Variants in TTN observed in about 807,000 individuals in gnomAD.
TTN encodes the protein titin.
A neutral mutation model predicts 3,223.0 loss-of-function variants in TTN; 1,525 were observed. That is an observed-to-expected ratio of 0.47 (90% confidence interval 0.45 to 0.49). The LOEUF is 0.49. TTN is among the 20% of genes least tolerant of loss of function. The probability of loss-of-function intolerance (pLI) is 0.00; values close to 1 mark genes in which losing one functional copy is unlikely to be tolerated. For synonymous variants in TTN, 14,094 were observed against 15,161.0 expected (o/e 0.93, Z 5.17); for missense variants, 40,786 against 43,424.0 (o/e 0.94, Z 5.40).
At position 178,732,312 on chromosome 2, in the gene TTN, G is replaced by GT; in HGVS notation, c.16656dup (p.Gln5553ThrfsTer22). The GT allele has an allele frequency of 6.2e-7, 1 of 1,610,692 alleles. No homozygotes were observed. Among genetic ancestry groups the GT allele is most frequent in the Non-Finnish European group, 8.5e-7 (1 of 1,177,870 alleles). On this transcript the variant is annotated frameshift_variant, in exon 57 of 363. Coordinates refer to ENST00000589042, the MANE Select transcript of TTN (RefSeq NM_001267550.2). LOFTEE classifies it high-confidence loss of function. ...GTGGCATCTCCCTTCTTTAACAGCT[G>GT]TGATGGCTCTAACTTTTCAACAAAT...
At position 178,565,092 on chromosome 2, in the gene TTN, C is replaced by T. The variant is rs1195586703; in HGVS notation, c.81040G>A (p.Asp27014Asn). The T allele has an allele frequency of 6.2e-7, 1 of 1,613,578 alleles. No homozygotes were observed. The highest frequency in any genetic ancestry group is 8.5e-7 in the Non-Finnish European group (1 of 1,179,644). Residue 27014 changes from aspartate to asparagine, a missense_variant, in exon 326 of 363, where the codon GAT becomes AAT. Coordinates refer to ENST00000589042, the MANE Select transcript of TTN (RefSeq NM_001267550.2). ...ATGTGCCAAGTGGTGGTGGTTGTAT[C>T]TCGCTTCTCTACAATGTAGTTGCTT... The part of the protein sequence containing the change: ...QISNYIVEKR[D>N]TTTTTWHMVS...
intron 218 of TTN, 105 bp downstream of exon 218, chr2:178,644,443 C>CT: frequency 1.2e-6 from 1 of 863,068 alleles, no homozygotes. Flanking sequence ...GGACTACTCT[C>CT]TGATCATTGA....
chr2:178,552,212 C>A lies in TTN; in HGVS notation c.90688G>T (p.Gly30230Ter). Reference protein sequence around the residue: ...ITLGPPSKPKGPIRFDEIKAD... With the variant: ...ITLGPPSKPK ...TTGATTTCATCAAATCGAATGGGTCCTTTGGGCTTTGATGGTGGGCCAAGG... is the reference window on the plus strand; with the variant it reads ...TTGATTTCATCAAATCGAATGGGTCATTTGGGCTTTGATGGTGGGCCAAGG... The change falls in exon 335 of 363, where the codon GGA (glycine) becomes TGA (stop). Residue 30230 changes from glycine to a stop codon, truncating the protein, a stop_gained. Coordinates refer to ENST00000589042, the MANE Select transcript of TTN (RefSeq NM_001267550.2). LOFTEE classifies it high-confidence loss of function. The A allele has an allele frequency of 6.2e-7, 1 of 1,613,436 alleles. No individual in the cohort carries two copies. The highest frequency in any genetic ancestry group is 8.5e-7 in the Non-Finnish European group (1 of 1,179,642).
intron 286 of TTN, 35 bp from the exon 287 acceptor site, chr2:178,601,599 C>CT: frequency 6.3e-7 from 1 of 1,586,062 alleles, no homozygotes; most frequent in East Asian, 2.2e-5. Context: ...AGCAACGTTC[C>CT]TTAAATGCTT....
At position 178,669,374 on chromosome 2, in the gene TTN, G is replaced by C; in HGVS notation, c.35544C>G (p.Tyr11848Ter). Residue 11848 changes from tyrosine (Y) to a stop codon, truncating the protein, a stop_gained and splice_region_variant, in exon 159 of 363, where the codon TAC (tyrosine) becomes TAG (stop). Transcript: ENST00000589042. LOFTEE classifies it high-confidence loss of function. ...PIVISEDTEM[Y>*]IYEASEEAVL... The stretch of plus-strand genomic sequence containing the variant: ...AACCACTAATTTTTCTACACTCACT[G>C]TACATCTCTGTGTCTTCAGAAATAA... 1 of 1,523,336 alleles carries C rather than the reference G, an allele frequency of 6.6e-7. No homozygotes were observed. Among genetic ancestry groups the C allele is most frequent in the Admixed American group, 2.2e-5 (1 of 46,050 alleles). The allele number at this position is 1,523,336 out of a possible 1,614,324, so 94.4% of individuals were successfully genotyped here.
chr2:178,537,300 T>C, intron 355 of TTN, 42 bp downstream of exon 355: 5 of 1,527,072 alleles, frequency 3.3e-6, no homozygotes, highest in Non-Finnish European at 4.4e-6. Flanking sequence ...GAGATTTTTT[T>C]TTCTTTAAAA....
At position 178,609,723 on chromosome 2, in the gene TTN, A is replaced by C; in HGVS notation, c.51700T>G (p.Ser17234Ala). 2 of 1,608,540 alleles carry C rather than the reference A, an allele frequency of 1.2e-6. No individual in the cohort carries two copies. The highest frequency in any genetic ancestry group is 2.2e-5 in the South Asian group (2 of 90,626). ...GCTTTGGTTGGAGGAGTAGCCCGAG[A>C]AGGTTCACTAATACCCGCGGCGTTC... is the stretch of plus-strand genomic sequence containing the variant. ...AENAAGISEP[S>A]RATPPTKAVD... The change falls in exon 272 of 363, where the codon TCT becomes GCT. Residue 17234 changes from serine (S) to alanine (A), a missense_variant. Ser to Ala is a moderately conservative substitution (Grantham distance 99). Transcript: ENST00000589042.
chr2:178,581,588 T>G lies in TTN; in HGVS notation c.66680A>C (p.Gln22227Pro), dbSNP rs1403005823. The change falls in exon 316 of 363, where the codon CAA (glutamine) becomes CCA (proline). Residue 22227 changes from glutamine (Q) to proline (P), a missense_variant. Transcript: ENST00000589042. Reference protein sequence around the residue: ...FEVTGLMEDTQYQFRVYAVNK... With the variant: ...FEVTGLMEDTPYQFRVYAVNK... ...AACGGCATACACACGGAATTGATAT[T>G]GTGTGTCTTCCATCAGGCCAGTAAC... 1 of 1,612,430 alleles carries G rather than the reference T, an allele frequency of 6.2e-7. No homozygotes were observed. Among genetic ancestry groups the G allele is most frequent in the African/African-American group, 1.3e-5 (1 of 74,856 alleles).
chr2:178,707,874 A>AAAT, intron 99 of TTN, 61 bp from the exon 100 acceptor site: 1 of 1,509,796 alleles, frequency 6.6e-7, no homozygotes, highest in Non-Finnish European at 8.9e-7. Flanking sequence ...AAATTCCACA[A>AAAT]GAGAAACAAA....
At position 178,582,207 on chromosome 2, in the gene TTN, G is replaced by A. The variant is rs1328861562; in HGVS notation, c.66162C>T (p.Asp22054=). The A allele has an allele frequency of 6.3e-7, 1 of 1,593,514 alleles. No homozygotes were observed. The highest frequency in any genetic ancestry group is 1.4e-5 in the African/African-American group (1 of 73,362). Reference sequence around the variant, plus strand: ...CAGGAGGATCACAGCGTCCTGGTGGGTCTGCAGAAATTGATTGAAAAGTTA... The same window carrying A: ...CAGGAGGATCACAGCGTCCTGGTGGATCTGCAGAAATTGATTGAAAAGTTA... ...TEPAIAKNPY[D]PPGRCDPPVI... is the part of the protein sequence containing the mutation. The change falls in exon 315 of 363, where the codon GAC becomes GAT. Residue 22054 remains aspartate (D), a splice_region_variant and synonymous_variant. Transcript: ENST00000589042.
chr2:178,671,001 C>T, intron 156 of TTN, 89 bp downstream of exon 156: 1 of 896,622 alleles, frequency 1.1e-6, no homozygotes, highest in Non-Finnish European at 1.7e-6. Context: ...AGAAGAAAGA[C>T]ATCAAGTGGA....
At chr2:178,765,942 G>A (rs1436230059) in intron 41 of TTN, among the ~76,000 whole-genome samples, 2 of 152,146 alleles carry the variant, frequency 1.3e-5, no homozygotes, top group Admixed American at 6.5e-5. Context: ...GGCTCTCTAG[G>A]CCTTCCAGGG....
In TTN at chr2:178,751,539, C is replaced by T. The variant is rs753429508; in HGVS notation, c.11311+1585G>A. The T allele has an allele frequency of 5.0e-6, 8 of 1,613,372 alleles. No homozygotes were observed. The Admixed American group carries it at 1.3e-4, about 27-fold the overall frequency. ...TCTTCTCCCCTTTCAACTAAAGCCT[C>T]CACATTTTCATGTGTCCGTTCTGCT... On this transcript the variant is annotated intron_variant, in intron 47 of 362. Coordinates refer to ENST00000589042, the MANE Select transcript of TTN (RefSeq NM_001267550.2).
At chr2:178,544,175 C>T (rs753888002) in intron 345 of TTN, 26 bp downstream of exon 345, 4 of 1,605,210 alleles carry the variant, frequency 2.5e-6, no homozygotes, top group East Asian at 4.5e-5. Flanking sequence ...GAAAATAATT[C>T]ACCTAAAAGC....
At position 178,536,354 on chromosome 2, in the gene TTN, A is replaced by G. The variant is rs1691494185; in HGVS notation, c.100393T>C (p.Phe33465Leu). The change falls in exon 357 of 363, where the codon TTT (phenylalanine) becomes CTT (leucine). Residue 33465 changes from phenylalanine (F) to leucine (L), a missense_variant. Phe to Leu is a conservative substitution (Grantham distance 22). Coordinates refer to ENST00000589042, the MANE Select transcript of TTN (RefSeq NM_001267550.2). Reference protein sequence around the residue: ...KNLIEGLEYEFRVKCENLGGE... With the variant: ...KNLIEGLEYELRVKCENLGGE... The stretch of plus-strand genomic sequence containing the variant: ...CCTAGATTTTCACATTTCACACGAA[A>G]CTCGTATTCAAGACCTTCAATAAGG... The G allele has an allele frequency of 6.2e-7, 1 of 1,613,620 alleles. No homozygotes were observed. Among genetic ancestry groups the G allele is most frequent in the Non-Finnish European group, 8.5e-7 (1 of 1,179,792 alleles).
intron 337 of TTN, 39 bp from the exon 338 acceptor site, chr2:178,549,908 T>C: frequency 6.5e-7 from 1 of 1,538,394 alleles, no homozygotes; most frequent in Non-Finnish European, 8.7e-7. Context: ...TCTTTTTCCT[T>C]GTCCATTAAA....
rs1266877064 is a variant in TTN, at chr2:178,580,536, T to C, written c.66843A>G (p.Leu22281=). The C allele has an allele frequency of 2.5e-6, 4 of 1,612,814 alleles. No individual in the cohort carries two copies. Among genetic ancestry groups the C allele is most frequent in the Admixed American group, 1.7e-5 (1 of 59,952 alleles). The change falls in exon 317 of 363, where the codon CTA becomes CTG. Residue 22281 remains leucine, a synonymous_variant. Transcript: ENST00000589042. ...LILRAGVTMR[L]YVPVKGRPPP... Reference sequence around the variant, plus strand: ...GTGGGCGTCCTTTTACTGGTACATATAGTCTCATAGTAACTCCAGCACGTA... The same window carrying C: ...GTGGGCGTCCTTTTACTGGTACATACAGTCTCATAGTAACTCCAGCACGTA...
rs1219361485 is a variant in TTN at position 178,757,177 on chromosome 2, TACTTTAA to T, written c.10678+358_10678+364del. On this transcript the variant is annotated intron_variant, in intron 45 of 362. Transcript: ENST00000589042. ...TAAGTACAGTAAGTAATACTGTACT[TACTTTAA>T]GTACAGTAAGTAATACTGTACTTAC... Among the ~76,000 whole-genome samples, 30 of 151,800 alleles carry T rather than the reference TACTTTAA, an allele frequency of 2.0e-4. 2 individuals carry two copies. The highest frequency in any genetic ancestry group is 2.6e-4 in the Non-Finnish European group (18 of 68,016).
rs368056786 is a variant in TTN, at chr2:178,561,493, T to C, written c.84639A>G (p.Gln28213=). The C allele has an allele frequency of 1.3e-5, 21 of 1,613,652 alleles. No homozygotes were observed. The highest frequency in any genetic ancestry group is 4.5e-5 in the East Asian group (2 of 44,838). Residue 28213 remains glutamine, a synonymous_variant, in exon 326 of 363, where the codon CAA becomes CAG. Coordinates refer to ENST00000589042, the MANE Select transcript of TTN (RefSeq NM_001267550.2). ...CTTCATCAAGGCCGGAGACTTTCATTTGAGTATCAGCAATGAGGATTTTAT... is the reference window on the plus strand; with the variant it reads ...CTTCATCAAGGCCGGAGACTTTCATCTGAGTATCAGCAATGAGGATTTTAT... The part of the protein sequence containing the change: ...KANKILIADT[Q]MKVSGLDEGL...
Sources: gnomAD v4.1 joint callset for allele counts (sites outside exome capture counted in the v4.1 genomes callset) on GRCh38, gnomAD v4.1.1 for gene constraint, MANE v1.5 for transcripts, NCBI Gene and HGNC (gene_info 2026-07-23, HGNC 2026-07-21) for gene names.